Variants in STMND1 observed in about 807,000 individuals in gnomAD.
The protein encoded by STMND1 is stathmin domain containing 1.
STMND1 carries 17 observed loss-of-function variants against 23.0 expected under a neutral mutation model. The ratio of observed to expected loss-of-function variants is 0.74; its 90% CI spans 0.51 to 1.11. The LOEUF (loss-of-function observed/expected upper bound fraction) is 1.11. Among genes scored for constraint, STMND1 ranks in the 50% least tolerant of loss-of-function variants. The pLI, the probability that STMND1 is intolerant of heterozygous loss-of-function variation, is 0.00. For missense variants in STMND1, 305 were observed against 329.1 expected (o/e 0.93, Z 0.57); for synonymous variants, 114 against 119.9 (o/e 0.95, Z 0.32).
At chr6:17,125,270 A>C (rs1226552857) in intron 3 of STMND1, among the ~76,000 whole-genome samples, 1 of 152,172 alleles carries the variant, frequency 6.6e-6, no homozygotes, top group Non-Finnish European at 1.5e-5. Context: ...TTCTAATTAG[A>C]CTTAACTGAC....
chr6:17,104,711 G>T (rs942637882), intron 1 of STMND1, among the ~76,000 whole-genome samples: 1 of 152,136 alleles, frequency 6.6e-6, no homozygotes, highest in Non-Finnish European at 1.5e-5. Context: ...AATAAAATCT[G>T]ATTATCTCAG....
At chr6:17,112,682 C>T (rs1474274205) in intron 1 of STMND1, among the ~76,000 whole-genome samples, 1 of 151,986 alleles carries the variant, frequency 6.6e-6, no homozygotes, top group Admixed American at 6.6e-5. Context: ...GAGGCTGAGG[C>T]AGGAGAATGG....
In STMND1 at chr6:17,127,819, T is replaced by C. The variant is rs540347248; in HGVS notation, c.412-1293T>C. ...TTCATTTTGTAATGCAGCCTTGGAGTTAACTACCCCCACCCAGTTGTAATA... is the reference window on the plus strand; with the variant it reads ...TTCATTTTGTAATGCAGCCTTGGAGCTAACTACCCCCACCCAGTTGTAATA... On this transcript the variant is annotated intron_variant, in intron 3 of 4. Coordinates refer to ENST00000536551, the MANE Select transcript of STMND1 (RefSeq NM_001190766.2). 13 of 152,328 alleles carry C rather than the reference T, an allele frequency of 8.5e-5. No homozygotes were observed. The East Asian group carries it at 1.7e-3, about 20-fold the overall frequency. The allele number at this position is 152,328 out of a possible 1,614,324, so 9.4% of individuals were successfully genotyped here.
intron 3 of STMND1, among the ~76,000 whole-genome samples, chr6:17,126,272 A>C (rs1365727993): frequency 6.6e-6 from 1 of 151,542 alleles, no homozygotes; most frequent in South Asian, 2.1e-4. Context: ...CATAAAATTC[A>C]GTTGTAAAGA....
At chr6:17,126,635 C>T (rs1368338065) in intron 3 of STMND1, among the ~76,000 whole-genome samples, 1 of 152,132 alleles carries the variant, frequency 6.6e-6, no homozygotes, top group Non-Finnish European at 1.5e-5. Flanking sequence ...AAGTATTTCC[C>T]TCTTTTCAGC....
intron 3 of STMND1, among the ~76,000 whole-genome samples, chr6:17,127,404 G>T (rs1381393750): frequency 6.6e-6 from 1 of 152,130 alleles, no homozygotes; most frequent in African/African-American, 2.4e-5. Flanking sequence ...ACAAAAATTA[G>T]CTGGGCGTGG....
intron 1 of STMND1, among the ~76,000 whole-genome samples, chr6:17,105,742 C>T (rs1428097604): frequency 1.3e-5 from 2 of 149,876 alleles, no homozygotes; most frequent in Non-Finnish European, 3.0e-5. Context: ...CTGGCTAACA[C>T]GGGGAAACCC....
chr6:17,108,926 A>G (rs1221583157), intron 1 of STMND1, among the ~76,000 whole-genome samples: 1 of 151,800 alleles, frequency 6.6e-6, no homozygotes, highest in Non-Finnish European at 1.5e-5. Context: ...CGAATTCCTG[A>G]CCTCAGGTGA....
At chr6:17,125,558 T>C (rs1390974008) in intron 3 of STMND1, among the ~76,000 whole-genome samples, 1 of 152,038 alleles carries the variant, frequency 6.6e-6, no homozygotes, top group African/African-American at 2.4e-5. Context: ...ACTTGGAGAG[T>C]TTGTTCACAT....
chr6:17,127,695 TA>T (rs2113495141), intron 3 of STMND1, among the ~76,000 whole-genome samples: 1 of 152,354 alleles, frequency 6.6e-6, no homozygotes, highest in East Asian at 1.9e-4. Flanking sequence ...TATAGCATTA[TA>T]GTCTGGAGAA....
chr6:17,110,830 G>A (rs1229839265), intron 1 of STMND1: 3 of 455,944 alleles, frequency 6.6e-6, no homozygotes, highest in Non-Finnish European at 1.3e-5. Context: ...GAAGATGCAC[G>A]TGTTCTTTGT....
At chr6:17,130,166 G>A (rs1279638325) in intron 4 of STMND1, among the ~76,000 whole-genome samples, 1 of 152,178 alleles carries the variant, frequency 6.6e-6, no homozygotes, top group African/African-American at 2.4e-5. Flanking sequence ...AGTACGGAGT[G>A]TTCTTCATAT....
At chr6:17,111,603 C>T (rs1380103667) in intron 1 of STMND1, among the ~76,000 whole-genome samples, 2 of 152,224 alleles carry the variant, frequency 1.3e-5, no homozygotes, top group East Asian at 3.9e-4. Context: ...TGTATGTTGA[C>T]ATAGGTAAGT....
intron 3 of STMND1, among the ~76,000 whole-genome samples, chr6:17,127,225 C>T (rs1389388407): frequency 6.6e-6 from 1 of 152,140 alleles, no homozygotes; most frequent in Non-Finnish European, 1.5e-5. Context: ...ATGAGGAAAC[C>T]ATAGCTTGCA....
chr6:17,102,587 A>G (rs939770048), intron 1 of STMND1, among the ~76,000 whole-genome samples: 1 of 152,220 alleles, frequency 6.6e-6, no homozygotes, highest in Non-Finnish European at 1.5e-5. Flanking sequence ...ATATATGGCT[A>G]TAAGATCAAT....
At chr6:17,110,691 C>T (rs1761085640) in intron 1 of STMND1, 3 of 390,396 alleles carry the variant, frequency 7.7e-6, no homozygotes, top group Non-Finnish European at 1.5e-5. Flanking sequence ...TCACTTGAAC[C>T]CGAGAGGCAG....
At chr6:17,116,141 A>G (rs1761156538) in intron 2 of STMND1, among the ~76,000 whole-genome samples, 1 of 152,246 alleles carries the variant, frequency 6.6e-6, no homozygotes, top group Non-Finnish European at 1.5e-5. Context: ...TCAGGCAGAC[A>G]GGGACCTGGT....
chr6:17,129,340 G>A, intron 4 of STMND1, 97 bp downstream of exon 4: 1 of 1,181,078 alleles, frequency 8.5e-7, no homozygotes, highest in Non-Finnish European at 1.2e-6. Flanking sequence ...AAGACAAACT[G>A]CATGGATCTA....
intron 1 of STMND1, among the ~76,000 whole-genome samples, chr6:17,112,593 C>T (rs764804332): frequency 9.9e-5 from 15 of 151,918 alleles, no homozygotes; most frequent in African/African-American, 1.7e-4. Context: ...CTGGCTAACA[C>T]GGTGAAACTC....
Sources: gnomAD v4.1 joint callset for allele counts (sites outside exome capture counted in the v4.1 genomes callset) on GRCh38, gnomAD v4.1.1 for gene constraint, MANE v1.5 for transcripts, NCBI Gene and HGNC (gene_info 2026-07-23, HGNC 2026-07-21) for gene names.